Variants in DNAH11 observed in about 807,000 individuals in gnomAD.
DNAH11 encodes axonemal beta dynein heavy chain 11.
A neutral mutation model predicts 526.0 loss-of-function variants in DNAH11; 442 were observed. The observed-to-expected ratio is 0.84, with a 90% CI of 0.78 to 0.91. The LOEUF (loss-of-function observed/expected upper bound fraction) is 0.91. Ranked by LOEUF, DNAH11 falls within the 40% of genes least tolerant of loss-of-function variation. DNAH11 has a pLI of 0.00. For synonymous variants in DNAH11, 2,461 were observed against 1,935.9 expected (o/e 1.27, Z -7.12); for missense variants, 6,989 against 5,448.7 (o/e 1.28, Z -8.90).
chr7:21,749,633 G>A (rs370453420), intron 52 of DNAH11, 45 bp from the exon 53 acceptor site: 85 of 1,608,912 alleles, frequency 5.3e-5, no homozygotes, highest in African/African-American at 9.3e-5. Flanking sequence ...TCTCAACGCC[G>A]CATCAGCATT....
At chr7:21,855,296 G>A (rs1323237117) in intron 68 of DNAH11, among the ~76,000 whole-genome samples, 1 of 152,158 alleles carries the variant, frequency 6.6e-6, no homozygotes, top group Non-Finnish European at 1.5e-5. Context: ...CTCCCAAAGT[G>A]TTGGGATTAC....
At chr7:21,860,147 T>C (rs1379091465) in intron 68 of DNAH11, among the ~76,000 whole-genome samples, 1 of 152,080 alleles carries the variant, frequency 6.6e-6, no homozygotes, top group African/African-American at 2.4e-5. Context: ...CACTCCAGGC[T>C]GGATGACAGA....
At chr7:21,565,392 A>G (rs74413575) in intron 6 of DNAH11, among the ~76,000 whole-genome samples, 2,932 of 152,310 alleles carry the variant, frequency 0.019, 82 homozygotes, top group African/African-American at 0.065. Context: ...ATATTTATCA[A>G]TTTGAATGGA....
intron 44 of DNAH11, among the ~76,000 whole-genome samples, chr7:21,721,656 C>T (rs1053730885): frequency 6.6e-6 from 1 of 152,158 alleles, no homozygotes. Context: ...CTAATCCCAT[C>T]ATGAGGACCC....
At chr7:21,714,240 T>C (rs576772397) in intron 42 of DNAH11, among the ~76,000 whole-genome samples, 1 of 152,340 alleles carries the variant, frequency 6.6e-6, no homozygotes, top group Non-Finnish European at 1.5e-5. Context: ...GTTAAACAAC[T>C]CTGTCTTCAC....
intron 20 of DNAH11, among the ~76,000 whole-genome samples, chr7:21,613,234 G>A (rs1785606875): frequency 6.6e-6 from 1 of 152,048 alleles, no homozygotes; most frequent in Non-Finnish European, 1.5e-5. Flanking sequence ...GTAGTAAACT[G>A]CATTTCACAA....
intron 62 of DNAH11, among the ~76,000 whole-genome samples, chr7:21,804,235 A>C (rs936255248): frequency 6.6e-6 from 1 of 152,048 alleles, no homozygotes; most frequent in African/African-American, 2.4e-5. Context: ...CAGCCTCCCG[A>C]GTACCTGGGA....
intron 18 of DNAH11, among the ~76,000 whole-genome samples, chr7:21,606,156 C>T (rs1174103472): frequency 6.6e-6 from 1 of 151,972 alleles, no homozygotes; most frequent in Non-Finnish European, 1.5e-5. Flanking sequence ...AAACCCTGTC[C>T]TACAACAAAT....
At position 21,545,066 on chromosome 7, in the gene DNAH11, G is replaced by A. The variant is rs1216804983; in HGVS notation, c.412G>A (p.Gly138Arg). 6.2e-7 allele frequency: 1 copy of A among 1,604,758 alleles called. No individual in the cohort carries two copies. ...FISKKITESIGVNDFSQVVLF... is the reference protein window; with the variant it reads ...FISKKITESIRVNDFSQVVLF... ...TTCCAAGAAGATTACTGAAAGCATT[G>A]GAGTAAATGACTTTTCTCAAGTGGT... Residue 138 changes from glycine to arginine, a missense_variant, in exon 2 of 82, where the codon GGA (glycine) becomes AGA (arginine). Coordinates refer to ENST00000409508, the MANE Select transcript of DNAH11 (RefSeq NM_001277115.2).
rs1784368221 is a variant in DNAH11, at chr7:21,892,670, A to G, written c.12750+3A>G. The G allele has an allele frequency of 6.9e-6, 11 of 1,586,798 alleles. No homozygotes were observed. Among genetic ancestry groups the G allele is most frequent in the Non-Finnish European group, 9.4e-6 (11 of 1,165,766 alleles). ...TGGGGCAGTCTACAGAAGAAAAGGTAGAGGGTCTTTCCTTCCTTTTCTTTT... is the reference window on the plus strand; with the variant it reads ...TGGGGCAGTCTACAGAAGAAAAGGTGGAGGGTCTTTCCTTCCTTTTCTTTT... On this transcript the variant is annotated splice_donor_region_variant and intron_variant, in intron 77 of 81. Coordinates refer to ENST00000409508, the MANE Select transcript of DNAH11 (RefSeq NM_001277115.2).
intron 72 of DNAH11, among the ~76,000 whole-genome samples, chr7:21,868,278 A>G (rs1468068676): frequency 6.6e-6 from 1 of 152,094 alleles, no homozygotes; most frequent in Admixed American, 6.6e-5. Flanking sequence ...GCAATTTTCC[A>G]CATGCTCATG....
chr7:21,856,626 A>T (rs576440336), intron 68 of DNAH11, among the ~76,000 whole-genome samples: 27 of 152,310 alleles, frequency 1.8e-4, no homozygotes, highest in African/African-American at 6.3e-4. Context: ...TAAAAAGCAC[A>T]ATGTATCATG....
At chr7:21,815,644 C>G (rs1789749919) in intron 63 of DNAH11, among the ~76,000 whole-genome samples, 1 of 152,090 alleles carries the variant, frequency 6.6e-6, no homozygotes. Flanking sequence ...AGGGGGCTAG[C>G]TAGGTTTTCA....
intron 63 of DNAH11, among the ~76,000 whole-genome samples, chr7:21,815,089 G>A (rs1789720454): frequency 6.6e-6 from 1 of 152,052 alleles, no homozygotes; most frequent in Non-Finnish European, 1.5e-5. Flanking sequence ...GGGGGAGATT[G>A]GTATTCTGTT....
intron 76 of DNAH11, among the ~76,000 whole-genome samples, 163 bp downstream of exon 76, chr7:21,884,573 G>A (rs1784053169): frequency 6.6e-6 from 1 of 152,168 alleles, no homozygotes; most frequent in South Asian, 2.1e-4. Flanking sequence ...TTCCATCCCA[G>A]ACCTACAGAA....
intron 60 of DNAH11, 38 bp downstream of exon 60, chr7:21,787,621 A>T: frequency 6.5e-7 from 1 of 1,532,116 alleles, no homozygotes; most frequent in Non-Finnish European, 8.8e-7. Flanking sequence ...GATGTTCTCC[A>T]CAAAGGGCTG....
chr7:21,606,335 AAAAAG>A lies in DNAH11; in HGVS notation c.3649-87_3649-83del, dbSNP rs1785280502. The A allele has an allele frequency of 4.7e-5, 53 of 1,127,874 alleles. 1 individual carries two copies. In the South Asian group the frequency reaches 6.7e-4, roughly 14 times the overall value. 69.9% of individuals were successfully genotyped at this position (1,127,874 alleles called of 1,614,324 possible). On this transcript the variant is annotated intron_variant, in intron 18 of 81. Transcript: ENST00000409508. The stretch of plus-strand genomic sequence containing the variant: ...CAGACCTTGTCTCAAGAGAAAAAAA[AAAAAG>A]AAAGAAATTAGAGTCATTTAATCCT...
intron 71 of DNAH11, 64 bp downstream of exon 71, chr7:21,866,727 G>C: frequency 6.8e-7 from 1 of 1,481,302 alleles, no homozygotes; most frequent in Non-Finnish European, 9.0e-7. Flanking sequence ...AGTCTGAAGA[G>C]TTAGGAGGAT....
At chr7:21,815,010 A>G (rs1789715063) in intron 63 of DNAH11, among the ~76,000 whole-genome samples, 1 of 152,140 alleles carries the variant, frequency 6.6e-6, no homozygotes, top group African/African-American at 2.4e-5. Context: ...CTTCATTTAT[A>G]TTAAGATGGG....
Sources: gnomAD v4.1 joint callset for allele counts (sites outside exome capture counted in the v4.1 genomes callset) on GRCh38, gnomAD v4.1.1 for gene constraint, MANE v1.5 for transcripts, NCBI Gene and HGNC (gene_info 2026-07-23, HGNC 2026-07-21) for gene names.